MX1: variants seen among roughly 807,000 people sequenced by gnomAD.
MX1 encodes interferon-induced GTP-binding protein Mx1.
A neutral mutation model predicts 66.4 loss-of-function variants in MX1; 66 were observed. The observed-to-expected ratio is 0.99, with a 90% CI of 0.82 to 1.22. The LOEUF (loss-of-function observed/expected upper bound fraction) is 1.22, where lower values mean the gene tolerates loss of function less well. MX1 is among the 50% of genes most tolerant of loss of function. The pLI, the probability that MX1 is intolerant of heterozygous loss-of-function variation, is 0.00. For synonymous variants in MX1, 311 were observed against 318.1 expected (o/e 0.98, Z 0.24); for missense variants, 787 against 834.3 (o/e 0.94, Z 0.70).
Position 41,446,141 on chromosome 21 carries a change from G to A in MX1, c.1273G>A (p.Gly425Ser). 1 of 1,613,436 alleles carries A rather than the reference G, an allele frequency of 6.2e-7. No homozygotes were observed. Among genetic ancestry groups the A allele is most frequent in the South Asian group, 1.1e-5 (1 of 90,964 alleles). ...STIIENNFQE[G>S]HKILSRKIQK... ...AATAATTGAAAACAATTTTCAAGAA[G>A]GTGAGTGTCTTAGTCCCTTCTTTTG... The change falls in exon 13 of 17, where the codon GGC becomes AGC. Residue 425 changes from glycine to serine, a missense_variant and splice_region_variant. Transcript: ENST00000398598.
rs1427197126 is a variant in MX1, at chr21:41,445,416, C to T, written c.1009-32C>T. ...TTTTCATTCTCTGTTCATCTTTACA[C>T]ATTTCCATTATTTTCTCTCCATTTT... On this transcript the variant is annotated intron_variant, in intron 11 of 16. Transcript: ENST00000398598. 4.3e-6 allele frequency: 7 copies of T among 1,612,602 alleles called. No homozygotes were observed. In the African/African-American group the frequency reaches 8.0e-5, roughly 18 times the overall value.
At position 41,442,713 on chromosome 21, in the gene MX1, T is replaced by C. The variant is rs374054512; in HGVS notation, c.929+799T>C. 1.2e-4 allele frequency: 18 copies of C among 152,380 alleles called. No individual in the cohort carries two copies. In the East Asian group the frequency reaches 2.5e-3, roughly 21 times the overall value. 9.4% of individuals were successfully genotyped at this position (152,380 alleles called of 1,614,324 possible). A position where few individuals can be genotyped will look rare whatever the true frequency, so the allele number is the denominator to read the frequency against. ...TGCCAGAAGATGAGATGATTCAGTG[T>C]CCATTGATGGATGGATGCAGAAAGC... On this transcript the variant is annotated intron_variant, in intron 10 of 16. Coordinates refer to ENST00000398598, the MANE Select transcript of MX1 (RefSeq NM_002462.5).
In MX1 at chr21:41,458,666, C is replaced by G. The variant is rs776814845; in HGVS notation, c.1897C>G (p.Arg633Gly). ...CACCTACAGCTGGCTCCTGAAGGAG[C>G]GGAGCGACACCAGCGACAAGCGGAA... ...KDTYSWLLKE[R>G]SDTSDKRKFL... is the part of the protein sequence containing the mutation. Residue 633 changes from arginine to glycine, a missense_variant, in exon 17 of 17, where the codon CGG becomes GGG. Coordinates refer to ENST00000398598, the MANE Select transcript of MX1 (RefSeq NM_002462.5). 23 of 1,614,084 alleles carry G rather than the reference C, an allele frequency of 1.4e-5. No individual in the cohort carries two copies. Among genetic ancestry groups the G allele is most frequent in the African/African-American group, 2.7e-5 (2 of 74,950 alleles).
At position 41,440,925 on chromosome 21, in the gene MX1, G is replaced by C. The variant is rs774584161; in HGVS notation, c.630G>C (p.Glu210Asp). The change falls in exon 9 of 17, where the codon GAG becomes GAC. Residue 210 changes from glutamate (E) to aspartate (D), a missense_variant. Physicochemically the swap from Glu to Asp is conservative, Grantham distance 45 (BLOSUM62 2). Coordinates refer to ENST00000398598, the MANE Select transcript of MX1 (RefSeq NM_002462.5). Reference sequence around the variant, plus strand: ...TCAAGAAGTACATCCAGAGGCAGGAGACAATCAGCCTGGTGGTGGTCCCCA... The same window carrying C: ...TCAAGAAGTACATCCAGAGGCAGGACACAATCAGCCTGGTGGTGGTCCCCA... ...TLIKKYIQRQ[E>D]TISLVVVPSN... is the part of the protein sequence containing the mutation. 1.5e-5 allele frequency: 25 copies of C among 1,614,218 alleles called. No homozygotes were observed. Among genetic ancestry groups the C allele is most frequent in the Non-Finnish European group, 2.0e-5 (24 of 1,180,036 alleles).
chr21:41,428,504 C>T (rs903961007), intron 3 of MX1: 1 of 152,230 alleles, frequency 6.6e-6, no homozygotes, highest in Non-Finnish European at 1.5e-5. Context: ...CTCCAGGGAC[C>T]TCGTCCTCGG....
upstream of MX1, among the ~76,000 whole-genome samples, chr21:41,424,170 C>T (rs931657252): frequency 2.0e-5 from 3 of 151,970 alleles, no homozygotes; most frequent in Admixed American, 1.3e-4. Flanking sequence ...CACAGTCCCC[C>T]AGGATGTGCT....
chr21:41,441,450 C>T lies in MX1; in HGVS notation c.731-266C>T, dbSNP rs1362280504. 10 of 535,634 alleles carry T rather than the reference C, an allele frequency of 1.9e-5. No homozygotes were observed. Among genetic ancestry groups the T allele is most frequent in the South Asian group, 4.3e-5 (2 of 46,622 alleles). 33.2% of individuals were successfully genotyped at this position (535,634 alleles called of 1,614,324 possible). A position where few individuals can be genotyped will look rare whatever the true frequency, so the allele number is the denominator to read the frequency against. ...TCCATAACTCAAGGGATAAACAAAA[C>T]GTGGCGTGTTCTACAGTGGACCCGG... On this transcript the variant is annotated intron_variant, in intron 9 of 16. Coordinates refer to ENST00000398598, the MANE Select transcript of MX1 (RefSeq NM_002462.5). The surrounding 1 kb of genome is among the most constrained non-coding windows in gnomAD (Gnocchi z 4.0).
intron 7 of MX1, among the ~76,000 whole-genome samples, chr21:41,438,058 G>A (rs1034477626): frequency 6.6e-6 from 1 of 152,170 alleles, no homozygotes; most frequent in African/African-American, 2.4e-5. Flanking sequence ...TCTTCCTATC[G>A]ACCTTCATGT....
Position 41,452,879 on chromosome 21 carries a change from C to T in MX1, c.1758+10C>T, listed in dbSNP as rs768433350. 40 of 1,612,942 alleles carry T rather than the reference C, an allele frequency of 2.5e-5. No individual in the cohort carries two copies. The highest frequency in any genetic ancestry group is 6.7e-5 in the African/African-American group (5 of 74,802). ...GATGGCCTATCACCAGGTACGTCTT[C>T]GCGTGGTTCAGGATGCCAGCTTCCA... On this transcript the variant is annotated intron_variant, in intron 16 of 16. Transcript: ENST00000398598.
At chr21:41,432,600 G>T (rs1407643089) in intron 5 of MX1, among the ~76,000 whole-genome samples, 1 of 152,180 alleles carries the variant, frequency 6.6e-6, no homozygotes, top group Non-Finnish European at 1.5e-5. Context: ...TATTTTTGGT[G>T]GGAACCAATC....
At chr21:41,431,770 G>A (rs1206578103) in intron 4 of MX1, 9 of 324,152 alleles carry the variant, frequency 2.8e-5, no homozygotes, top group African/African-American at 1.3e-4. Flanking sequence ...CCCGGGGCCC[G>A]GCCTGGAGGG....
At chr21:41,449,097 T>C (rs775507594) in intron 13 of MX1, 40 bp from the exon 14 acceptor site, 18 of 1,540,034 alleles carry the variant, frequency 1.2e-5, no homozygotes, top group Non-Finnish European at 1.1e-5. Context: ...GCAAGATTAT[T>C]TTTGTAAAAT....
At chr21:41,422,692 T>G (rs1435898340), upstream of MX1, 1 of 152,170 alleles carries the variant, frequency 6.6e-6, no homozygotes, top group Non-Finnish European at 1.5e-5. Context: ...AGAGCACACA[T>G]CCTCTGCAAT....
chr21:41,430,427 C>T (rs2090181264), intron 3 of MX1, 106 bp from the exon 4 acceptor site: 1 of 152,014 alleles, frequency 6.6e-6, no homozygotes, highest in African/African-American at 2.4e-5. Flanking sequence ...GCACACCCCT[C>T]CTGCACTTGC....
chr21:41,438,451 G>A (rs946628234), intron 7 of MX1, among the ~76,000 whole-genome samples: 1 of 152,090 alleles, frequency 6.6e-6, no homozygotes, highest in Non-Finnish European at 1.5e-5. Flanking sequence ...TGGAGTGACC[G>A]GGCCTTCTGT....
At chr21:41,452,927 C>T in intron 16 of MX1, 58 bp downstream of exon 16, 1 of 1,588,022 alleles carries the variant, frequency 6.3e-7, no homozygotes, top group Non-Finnish European at 8.6e-7. Flanking sequence ...CTTCTGAACG[C>T]CTCTCTCTTT....
chr21:41,445,576 T>A lies in MX1; in HGVS notation c.1131+6T>A. The A allele has an allele frequency of 2.5e-6, 4 of 1,613,828 alleles. No individual in the cohort carries two copies. The highest frequency in any genetic ancestry group is 3.4e-6 in the Non-Finnish European group (4 of 1,179,976). Reference sequence around the variant, plus strand: ...AAATGTTCTTCCTGATAGATGTGAGTGTTGCCAGCTGCATGGAGCTGGAGA... The same window carrying A: ...AAATGTTCTTCCTGATAGATGTGAGAGTTGCCAGCTGCATGGAGCTGGAGA... On this transcript the variant is annotated splice_donor_region_variant and intron_variant, in intron 12 of 16. Coordinates refer to ENST00000398598, the MANE Select transcript of MX1 (RefSeq NM_002462.5).
chr21:41,431,023 T>G (rs2146095680), intron 4 of MX1, among the ~76,000 whole-genome samples: 1 of 152,356 alleles, frequency 6.6e-6, no homozygotes, highest in East Asian at 1.9e-4. Context: ...TGTAAAGTTT[T>G]TGTTTGTTGT....
chr21:41,437,248 G>A, intron 7 of MX1, 96 bp downstream of exon 7: 2 of 1,398,666 alleles, frequency 1.4e-6, no homozygotes, highest in Non-Finnish European at 2.0e-6. Context: ...GGCCTGTGCT[G>A]TCAGGACACC....
Sources: gnomAD v4.1 joint callset for allele counts (sites outside exome capture counted in the v4.1 genomes callset) on GRCh38, gnomAD v4.1.1 for gene constraint, Gnocchi (gnomAD v3.1) non-coding constraint, MANE v1.5 for transcripts, NCBI Gene and HGNC (gene_info 2026-07-23, HGNC 2026-07-21) for gene names.